Variants in MROH7 observed in about 807,000 individuals in gnomAD.
MROH7 encodes the protein maestro heat-like repeat-containing protein family member 7.
In MROH7, 113 loss-of-function variants were observed where a neutral mutation model predicts 129.2. That is an observed-to-expected ratio of 0.87 (90% CI 0.75 to 1.02). MROH7 has a LOEUF of 1.02. MROH7 is among the 50% of genes least tolerant of loss of function. MROH7 has a pLI of 0.00. For synonymous variants in MROH7, 655 were observed against 667.9 expected (o/e 0.98, Z 0.30); for missense variants, 1,601 against 1,671.3 (o/e 0.96, Z 0.73).
chr1:54,695,215 C>T (rs1645300669), intron 16 of MROH7, among the ~76,000 whole-genome samples, 161 bp from the exon 17 acceptor site: 1 of 152,196 alleles, frequency 6.6e-6, no homozygotes, highest in South Asian at 2.1e-4. Context: ...GCAGTGAAAC[C>T]AGATGACCTC....
chr1:54,686,880 G>C (rs983994436), intron 15 of MROH7, among the ~76,000 whole-genome samples: 4 of 152,094 alleles, frequency 2.6e-5, no homozygotes, highest in Non-Finnish European at 4.4e-5. Context: ...TGTTCCCAAA[G>C]ACAACCAAGT....
intron 17 of MROH7, 106 bp downstream of exon 17, chr1:54,695,596 T>G: frequency 1.3e-6 from 1 of 768,964 alleles, no homozygotes; most frequent in South Asian, 1.5e-5. Context: ...TTACAAAGCC[T>G]TCCCATGGGC....
At chr1:54,671,815 G>T (rs1249693677) in intron 7 of MROH7, among the ~76,000 whole-genome samples, 1 of 152,112 alleles carries the variant, frequency 6.6e-6, no homozygotes, top group African/African-American at 2.4e-5. Context: ...GTGAGTGTGG[G>T]GGAGATGGAT....
intron 1 of MROH7, among the ~76,000 whole-genome samples, chr1:54,642,851 G>C (rs1274291379): frequency 6.6e-6 from 1 of 152,188 alleles, no homozygotes; most frequent in Non-Finnish European, 1.5e-5. Context: ...CTGAGCTCAA[G>C]GAATCCTCTT....
intron 21 of MROH7, among the ~76,000 whole-genome samples, chr1:54,704,429 ATTTTTTTTT>A (rs34380712): frequency 8.9e-6 from 1 of 112,284 alleles, no homozygotes; most frequent in Non-Finnish European, 1.8e-5. Flanking sequence ...CTAGAAACCT[ATTTTTTTTT>A]TTTTTTTTTT....
intron 10 of MROH7, among the ~76,000 whole-genome samples, chr1:54,674,518 C>T (rs74071884): frequency 0.016 from 2,390 of 152,224 alleles, 56 homozygotes; most frequent in African/African-American, 0.055. Context: ...GAGGGAAGGG[C>T]AGGGCTGTAT....
intron 4 of MROH7, among the ~76,000 whole-genome samples, chr1:54,667,858 A>C (rs544065880): frequency 1.3e-5 from 2 of 152,142 alleles, no homozygotes; most frequent in East Asian, 3.9e-4. Context: ...GCTGAGACTG[A>C]AGGATTGCTT....
chr1:54,686,301 T>C lies in MROH7; in HGVS notation c.2564T>C (p.Met855Thr), dbSNP rs201138513. The change falls in exon 15 of 24, where the codon ATG becomes ACG. Residue 855 changes from methionine to threonine, a missense_variant. Physicochemically the swap from Met to Thr is moderately conservative, Grantham distance 81. Transcript: ENST00000421030. ...LCELLSVNSC[M>T]GRVRRIYPQL... ...GAGCTCCTGTCCGTCAACAGCTGCA[T>C]GGGCCGTGTGAGGCGCATCTACCCT... 8 of 1,613,982 alleles carry C rather than the reference T, an allele frequency of 5.0e-6. No homozygotes were observed. The highest frequency in any genetic ancestry group is 4.0e-5 in the African/African-American group (3 of 74,950).
rs748600087 is a variant in MROH7, at chr1:54,673,151, G to C, written c.1660G>C (p.Asp554His). ...QTLLKALFIEDPTPAGLKSIL... is the reference protein window; with the variant it reads ...QTLLKALFIEHPTPAGLKSIL... Reference sequence around the variant, plus strand: ...ACTGCTCAAAGCCCTCTTTATCGAGGACCCCACTCCTGCTGGGCTGAAGAG... The same window carrying C: ...ACTGCTCAAAGCCCTCTTTATCGAGCACCCCACTCCTGCTGGGCTGAAGAG... The change falls in exon 8 of 24, where the codon GAC (aspartate) becomes CAC (histidine). Residue 554 changes from aspartate to histidine, a missense_variant. Transcript: ENST00000421030. 13 of 1,613,822 alleles carry C rather than the reference G, an allele frequency of 8.1e-6. No homozygotes were observed. The highest frequency in any genetic ancestry group is 1.3e-5 in the African/African-American group (1 of 74,902).
At chr1:54,675,620 CAG>C (rs1644968260) in intron 10 of MROH7, among the ~76,000 whole-genome samples, 2 of 148,840 alleles carry the variant, frequency 1.3e-5, no homozygotes, top group Admixed American at 6.7e-5. Flanking sequence ...TTTTTTGAGA[CAG>C]AGTCTTGCTC....
chr1:54,668,473 C>A (rs1383847678), intron 4 of MROH7, among the ~76,000 whole-genome samples: 1 of 152,180 alleles, frequency 6.6e-6, no homozygotes, highest in African/African-American at 2.4e-5. Flanking sequence ...TTCTCTCTCT[C>A]AGGTAGCAGA....
At chr1:54,655,848 A>G (rs917599414) in intron 3 of MROH7, among the ~76,000 whole-genome samples, 10 of 151,798 alleles carry the variant, frequency 6.6e-5, no homozygotes, top group Non-Finnish European at 1.2e-4. Flanking sequence ...TCTTCATAGA[A>G]GTCTAGTGCA....
chr1:54,681,389 CA>C (rs1645066993), intron 13 of MROH7, among the ~76,000 whole-genome samples: 1 of 152,236 alleles, frequency 6.6e-6, no homozygotes, highest in Admixed American at 6.5e-5. Flanking sequence ...AGGGTCCCCA[CA>C]GGGACAAACC....
chr1:54,709,142 GT>G, intron 23 of MROH7, 66 bp downstream of exon 23: 2 of 1,475,846 alleles, frequency 1.4e-6, no homozygotes, highest in Non-Finnish European at 1.9e-6. Context: ...ATCACAGTGG[GT>G]AACAGGGAAA....
intron 4 of MROH7, among the ~76,000 whole-genome samples, chr1:54,666,326 C>A (rs553914518): frequency 2.0e-5 from 3 of 151,996 alleles, no homozygotes; most frequent in Non-Finnish European, 4.4e-5. Context: ...TACCTGCCCC[C>A]CAATGAGGGC....
At chr1:54,655,189 ATT>A (rs1405887369) in intron 3 of MROH7, among the ~76,000 whole-genome samples, 2 of 151,156 alleles carry the variant, frequency 1.3e-5, no homozygotes, top group African/African-American at 4.9e-5. Context: ...TAATTTTTGT[ATT>A]GTTAGTAGAG....
At position 54,709,092 on chromosome 1, in the gene MROH7, C is replaced by T. The variant is rs1327959619; in HGVS notation, c.3730+16C>T. ...GTGAAAGCTGGTAAGTCATGCCCCG[C>T]ATTGGTGAAATTTCAGGGGACAGTG... On this transcript the variant is annotated intron_variant, in intron 23 of 23. Transcript: ENST00000421030. The T allele has an allele frequency of 2.5e-6, 4 of 1,613,614 alleles. No individual in the cohort carries two copies. In the Middle Eastern group the frequency reaches 5.0e-4, roughly 200 times the overall value.
rs1212046975 is a variant in MROH7 at position 54,653,417 on chromosome 1, G to A, written c.491G>A (p.Gly164Asp). The A allele has an allele frequency of 2.4e-5, 38 of 1,614,144 alleles. No individual in the cohort carries two copies. The highest frequency in any genetic ancestry group is 3.2e-5 in the Non-Finnish European group (38 of 1,180,036). The change falls in exon 3 of 24, where the codon GGT becomes GAT. Residue 164 changes from glycine (G) to aspartate (D), a missense_variant. Transcript: ENST00000421030. ...KCLSSKIFKL[G>D]QRNSNPSRHE... ...CTCTCAAGTAAGATTTTCAAGTTGG[G>A]TCAGAGAAACTCCAACCCTTCTAGG...
At chr1:54,697,014 T>G (rs1020444542) in intron 17 of MROH7, among the ~76,000 whole-genome samples, 18 of 152,180 alleles carry the variant, frequency 1.2e-4, no homozygotes, top group Admixed American at 2.0e-4. Context: ...TTTCATTGCA[T>G]GTACATACCA....
Sources: gnomAD v4.1 joint callset for allele counts (sites outside exome capture counted in the v4.1 genomes callset) on GRCh38, gnomAD v4.1.1 for gene constraint, MANE v1.5 for transcripts, NCBI Gene and HGNC (gene_info 2026-07-23, HGNC 2026-07-21) for gene names.